Variants in ABAT observed in about 807,000 individuals in gnomAD.
The protein encoded by ABAT is 4-aminobutyrate aminotransferase, mitochondrial.
In ABAT, 45 loss-of-function variants were observed where a neutral mutation model predicts 64.6. The ratio of observed to expected loss-of-function variants is 0.70; its 90% confidence interval spans 0.55 to 0.89. The LOEUF (loss-of-function observed/expected upper bound fraction) is 0.89, where lower values mean the gene tolerates loss of function less well. Ranked by LOEUF, ABAT falls within the 40% of genes least tolerant of loss-of-function variation. The pLI is 0.00. For missense variants in ABAT, 633 were observed against 658.4 expected (o/e 0.96, Z 0.42); for synonymous variants, 297 against 250.5 (o/e 1.19, Z -1.75).
intron 6 of ABAT, among the ~76,000 whole-genome samples, chr16:8,763,718 T>G (rs1285620328): frequency 6.6e-6 from 1 of 152,176 alleles, no homozygotes; most frequent in Admixed American, 6.5e-5. Context: ...TTTTAGCCAT[T>G]CTGATGGTTA....
chr16:8,733,117 CG>C (rs1287484813), intron 1 of ABAT, among the ~76,000 whole-genome samples: 2 of 142,822 alleles, frequency 1.4e-5, no homozygotes, highest in East Asian at 4.2e-4. Flanking sequence ...GCTGGCCGGG[CG>C]GGGGGCTGAC....
At chr16:8,680,981 TC>T (rs56336319) in intron 1 of ABAT, among the ~76,000 whole-genome samples, 68,358 of 145,268 alleles carry the variant, frequency 0.47, 16,315 homozygotes, top group East Asian at 0.75. Flanking sequence ...TTTTTATTTA[TC>T]TATTTTTTTT....
At chr16:8,708,743 G>A (rs974948240) in intron 1 of ABAT, among the ~76,000 whole-genome samples, 2 of 152,208 alleles carry the variant, frequency 1.3e-5, no homozygotes, top group African/African-American at 4.8e-5. Context: ...ATAAGCTTTG[G>A]GCTTTGGTTC....
intron 11 of ABAT, among the ~76,000 whole-genome samples, chr16:8,772,271 TGTG>T (rs1388240065): frequency 1.3e-5 from 1 of 76,496 alleles, no homozygotes; most frequent in African/African-American, 9.5e-5. Flanking sequence ...TGTGTGTGTG[TGTG>T]TGTGTGTGTG....
chr16:8,746,212 T>A (rs1038857767), intron 3 of ABAT, 114 bp downstream of exon 3: 3 of 814,258 alleles, frequency 3.7e-6, no homozygotes, highest in Non-Finnish European at 6.2e-6. Flanking sequence ...TTTCAGAGAG[T>A]TCACCACCAG....
intron 6 of ABAT, among the ~76,000 whole-genome samples, chr16:8,761,383 G>A (rs1262279025): frequency 6.6e-6 from 1 of 152,160 alleles, no homozygotes; most frequent in East Asian, 1.9e-4. Flanking sequence ...CTGCCTTCCG[G>A]CTGTGTCCCA....
At chr16:8,759,119 A>G (rs1211293827) in intron 6 of ABAT, among the ~76,000 whole-genome samples, 1 of 151,954 alleles carries the variant, frequency 6.6e-6, no homozygotes, top group East Asian at 1.9e-4. Context: ...AATAATAATA[A>G]TAATAATAAA....
At chr16:8,680,719 C>T (rs571410538) in intron 1 of ABAT, among the ~76,000 whole-genome samples, 15 of 152,182 alleles carry the variant, frequency 9.9e-5, no homozygotes, top group African/African-American at 2.7e-4. Flanking sequence ...TGAGCCACTG[C>T]GCCCGACCTC....
At chr16:8,743,423 T>TTTTATATATATATATATATATA (rs1288241223) in intron 2 of ABAT, among the ~76,000 whole-genome samples, 1 of 45,296 alleles carries the variant, frequency 2.2e-5, no homozygotes, top group Admixed American at 3.0e-4. Flanking sequence ...ATGGAAACAG[T>TTTTATATATATATATATATATA]TATATATATA....
chr16:8,692,146 C>T (rs2057598183), intron 1 of ABAT, among the ~76,000 whole-genome samples: 1 of 152,066 alleles, frequency 6.6e-6, no homozygotes, highest in African/African-American at 2.4e-5. Context: ...TTTGGGACGC[C>T]AAGGTGGGAG....
intron 14 of ABAT, among the ~76,000 whole-genome samples, chr16:8,777,859 C>T (rs533911631): frequency 2.0e-5 from 3 of 152,100 alleles, no homozygotes; most frequent in South Asian, 2.1e-4. Context: ...ATGCCTGTAA[C>T]CCCAGTACTT....
chr16:8,738,620 T>G lies in ABAT; in HGVS notation c.70+2811T>G, dbSNP rs1453076913. ...TTCTTTTTTGTTTTTGTTTTTGTTT[T>G]TGTTTTTGTTTTTTTTTTGGTGTGT... is the stretch of plus-strand genomic sequence containing the variant. On this transcript the variant is annotated intron_variant, in intron 2 of 15. Transcript: ENST00000268251. 2.9e-5 allele frequency among the ~76,000 whole-genome samples: 4 copies of G among 138,304 alleles called. No individual in the cohort carries two copies. The South Asian group carries it at 6.8e-4, about 23-fold the overall frequency. 90.7% of individuals were successfully genotyped at this position (138,304 alleles called of 152,430 possible). A position where few individuals can be genotyped will look rare whatever the true frequency, so the allele number is the denominator to read the frequency against.
rs571400818 is a variant in ABAT, at chr16:8,776,602, G to A, written c.1269+112G>A. On this transcript the variant is annotated intron_variant, in intron 14 of 15. Transcript: ENST00000268251. The surrounding 1 kb of genome is among the most constrained non-coding windows in gnomAD (Gnocchi z 4.4). ...GTTGTGCCTGCTGTTCCAGCAGTTC[G>A]TAACGGGCTGTGCTGCTCCTAGCCT... The A allele has an allele frequency of 7.2e-5, 84 of 1,167,314 alleles. No homozygotes were observed. Among genetic ancestry groups the A allele is most frequent in the African/African-American group, 6.1e-4 (40 of 65,772 alleles). 72.3% of individuals were successfully genotyped at this position (1,167,314 alleles called of 1,614,324 possible). A position where few individuals can be genotyped will look rare whatever the true frequency, so the allele number is the denominator to read the frequency against.
intron 1 of ABAT, among the ~76,000 whole-genome samples, chr16:8,706,467 A>G (rs1413079250): frequency 6.6e-6 from 1 of 150,450 alleles, no homozygotes; most frequent in Non-Finnish European, 1.5e-5. Flanking sequence ...TAATCCCAGC[A>G]CTTTGGGAGG....
At chr16:8,773,048 C>T in intron 12 of ABAT, 131 bp downstream of exon 12, 1 of 1,207,932 alleles carries the variant, frequency 8.3e-7, no homozygotes, top group Non-Finnish European at 1.2e-6. Flanking sequence ...TGTCTGTCAG[C>T]ATCAGGGGTG....
At chr16:8,708,976 G>A (rs1195489215) in intron 1 of ABAT, among the ~76,000 whole-genome samples, 2 of 152,134 alleles carry the variant, frequency 1.3e-5, no homozygotes, top group African/African-American at 2.4e-5. Context: ...AATGAGTCAC[G>A]CCTGGCTACC....
chr16:8,707,950 A>C (rs567834051), intron 1 of ABAT, among the ~76,000 whole-genome samples: 24 of 152,252 alleles, frequency 1.6e-4, no homozygotes, highest in African/African-American at 5.8e-4. Context: ...CACCATCCCC[A>C]TCTCCAAGAG....
Position 8,748,131 on chromosome 16 carries a change from A to C in ABAT, c.192A>C (p.Ile64=). ...AGGAGTTAATGAAACAGCTGAATAT[A>C]ATTCAGGTAAGTGAGGAGGAGGTAA... The part of the protein sequence containing the change: ...RSQELMKQLN[I]IQNAEAVHFF... Residue 64 remains isoleucine (I), a synonymous_variant, in exon 4 of 16, where the codon ATA becomes ATC. Transcript: ENST00000268251. 6.2e-7 allele frequency: 1 copy of C among 1,613,554 alleles called. No individual in the cohort carries two copies. Among genetic ancestry groups the C allele is most frequent in the Non-Finnish European group, 8.5e-7 (1 of 1,179,584 alleles).
chr16:8,682,105 C>T lies in ABAT; in HGVS notation c.-42+7394C>T, dbSNP rs575592541. ...GTGTCCCCTGGGGAACAAGATTGCC[C>T]CTGGTTGAGAATCACCGGTTAGAGG... On this transcript the variant is annotated intron_variant, in intron 1 of 15. Transcript: ENST00000268251. Among the ~76,000 whole-genome samples, 5 of 151,868 alleles carry T rather than the reference C, an allele frequency of 3.3e-5. No individual in the cohort carries two copies. In the East Asian group the frequency reaches 9.7e-4, roughly 29 times the overall value.
Sources: allele counts gnomAD v4.1 joint callset (sites outside exome capture counted in the v4.1 genomes callset), GRCh38; gene constraint gnomAD v4.1.1; non-coding constraint Gnocchi (gnomAD v3.1); transcripts MANE v1.5; gene names NCBI Gene and HGNC (gene_info 2026-07-23, HGNC 2026-07-21).